DAB1: variants seen among roughly 807,000 people sequenced by gnomAD.
DAB1 encodes the protein disabled homolog 1.
In DAB1, 15 loss-of-function variants were observed where a neutral mutation model predicts 64.6. The ratio of observed to expected loss-of-function variants is 0.23; its 90% CI spans 0.16 to 0.36. The LOEUF (loss-of-function observed/expected upper bound fraction) is 0.36. DAB1 is among the 10% of genes least tolerant of loss of function. The pLI is 1.00. For synonymous variants in DAB1, 235 were observed against 251.9 expected (o/e 0.93, Z 0.64); for missense variants, 596 against 706.7 (o/e 0.84, Z 1.78).
chr1:57,773,201 GAGCCCC>G (rs1649638025), intron 6 of DAB1, among the ~76,000 whole-genome samples: 2 of 151,964 alleles, frequency 1.3e-5, no homozygotes, highest in Admixed American at 1.3e-4. Flanking sequence ...TTAGTTATAA[GAGCCCC>G]AGGAAATTAA....
intron 9 of DAB1, among the ~76,000 whole-genome samples, chr1:57,038,010 T>A (rs1647245496): frequency 2.0e-5 from 3 of 152,246 alleles, no homozygotes; most frequent in Admixed American, 2.0e-4. Flanking sequence ...TAAATTTTAT[T>A]ACATTTTCAT....
At chr1:57,015,469 G>A (rs1299671928) in intron 11 of DAB1, 38 bp from the exon 12 acceptor site, 1 of 1,553,978 alleles carries the variant, frequency 6.4e-7, no homozygotes, top group Non-Finnish European at 8.7e-7. Context: ...TGTTTCCCTG[G>A]TGTCCTGGGA....
intron 1 of DAB1, among the ~76,000 whole-genome samples, chr1:57,864,252 G>C (rs962633123): frequency 5.3e-5 from 8 of 152,244 alleles, no homozygotes; most frequent in South Asian, 2.1e-4. Context: ...TAGGGAATTG[G>C]GGGTAATGGT....
At chr1:58,138,057 A>T (rs1440042326) in intron 5 of DAB1, among the ~76,000 whole-genome samples, 1 of 152,220 alleles carries the variant, frequency 6.6e-6, no homozygotes, top group African/African-American at 2.4e-5. Context: ...ATTTAAAAAT[A>T]TAATGATGAA....
At chr1:57,836,891 G>A (rs1039432557) in intron 1 of DAB1, among the ~76,000 whole-genome samples, 1 of 151,974 alleles carries the variant, frequency 6.6e-6, no homozygotes, top group Non-Finnish European at 1.5e-5. Context: ...ACTTCATCAC[G>A]GCCCCCTAGA....
chr1:57,589,729 C>T (rs886555528), intron 7 of DAB1, among the ~76,000 whole-genome samples: 4 of 151,954 alleles, frequency 2.6e-5, no homozygotes, highest in African/African-American at 9.7e-5. Context: ...TGCACACCAG[C>T]CTCAGCAACA....
intron 1 of DAB1, among the ~76,000 whole-genome samples, chr1:57,847,431 T>C (rs765774018): frequency 1.3e-5 from 2 of 148,656 alleles, no homozygotes; most frequent in African/African-American, 2.6e-5. Context: ...ATATAAATGG[T>C]TTAAGTTCTT....
chr1:58,446,560 T>C lies in DAB1; in HGVS notation n.257+59500A>G, dbSNP rs117619353. Among the ~76,000 whole-genome samples, 331 of 152,274 alleles carry C rather than the reference T, an allele frequency of 2.2e-3. 12 individuals are homozygous for C. The East Asian group carries it at 0.056, about 26-fold the overall frequency. On this transcript the variant is annotated intron_variant and non_coding_transcript_variant, in intron 3 of 20. Coordinates refer to the DAB1 transcript ENST00000485760. Reference sequence around the variant, plus strand: ...GGGGGTGGGGTGGTGGACAAGTAAGTGCATGCTGTTCTCCAAGAACAGTAA... The same window carrying C: ...GGGGGTGGGGTGGTGGACAAGTAAGCGCATGCTGTTCTCCAAGAACAGTAA...
intron 1 of DAB1, chr1:58,536,798 A>T: frequency 4.9e-6 from 4 of 814,020 alleles, no homozygotes; most frequent in Non-Finnish European, 8.5e-6. Flanking sequence ...ATATCACTAA[A>T]GCTCAAATGC....
chr1:58,076,555 T>C (rs1214939220), intron 5 of DAB1, among the ~76,000 whole-genome samples: 1 of 152,238 alleles, frequency 6.6e-6, no homozygotes, highest in Non-Finnish European at 1.5e-5. Flanking sequence ...TAAAGGATTG[T>C]TGTCACTTAA....
chr1:57,079,325 A>C (rs969670405), intron 4 of DAB1, among the ~76,000 whole-genome samples: 2 of 152,064 alleles, frequency 1.3e-5, no homozygotes, highest in Non-Finnish European at 2.9e-5. Flanking sequence ...CTTATCCCCC[A>C]AAAACAAGTC....
chr1:57,047,838 C>T (rs1325412658), intron 9 of DAB1, among the ~76,000 whole-genome samples: 1 of 152,126 alleles, frequency 6.6e-6, no homozygotes, highest in Non-Finnish European at 1.5e-5. Flanking sequence ...GCCCTCCAGC[C>T]CCATGCTCTA....
intron 1 of DAB1, among the ~76,000 whole-genome samples, chr1:57,332,178 G>T (rs750378911): frequency 6.6e-6 from 1 of 152,080 alleles, no homozygotes; most frequent in East Asian, 1.9e-4. Context: ...TGGCCAGGTG[G>T]GTCTTGAACT....
rs200540661 is a variant in DAB1, at chr1:58,526,151, G to A, written n.107+1110C>T. Among the ~76,000 whole-genome samples the A allele has an allele frequency of 2.6e-5, 4 of 152,096 alleles. No homozygotes were observed. The East Asian group carries it at 5.8e-4, about 22-fold the overall frequency. ...CTTAACATATAGGGAAAATCTGACA[G>A]ACTGGAGTACATGAAAATTAGGAAA... On this transcript the variant is annotated intron_variant and non_coding_transcript_variant, in intron 2 of 20. Transcript: ENST00000485760.
intron 1 of DAB1, among the ~76,000 whole-genome samples, chr1:57,405,375 G>A (rs1296297085): frequency 2.0e-5 from 3 of 152,168 alleles, no homozygotes; most frequent in Admixed American, 1.3e-4. Flanking sequence ...TCCTTTACCG[G>A]AAATGGTCCA....
chr1:58,266,463 C>T (rs564351438), intron 4 of DAB1, among the ~76,000 whole-genome samples: 20 of 152,322 alleles, frequency 1.3e-4, no homozygotes, highest in Non-Finnish European at 2.6e-4. Flanking sequence ...GAGACTTTTA[C>T]CCAGGATCTG....
intron 4 of DAB1, among the ~76,000 whole-genome samples, chr1:58,321,791 C>T (rs1662690242): frequency 6.6e-6 from 1 of 152,264 alleles, no homozygotes; most frequent in East Asian, 1.9e-4. Flanking sequence ...CACTGCAGCT[C>T]TGCAAGGCCT....
At chr1:58,253,499 A>T (rs1405097531) in intron 4 of DAB1, among the ~76,000 whole-genome samples, 1 of 152,238 alleles carries the variant, frequency 6.6e-6, no homozygotes, top group African/African-American at 2.4e-5. Flanking sequence ...ACGGTCAGTT[A>T]TTGTGAGTCT....
At chr1:57,551,156 T>G (rs1411486789) in intron 7 of DAB1, among the ~76,000 whole-genome samples, 1 of 152,178 alleles carries the variant, frequency 6.6e-6, no homozygotes, top group African/African-American at 2.4e-5. Flanking sequence ...CACGTTCGTC[T>G]TGCACGCCAC....
Sources: allele counts gnomAD v4.1 joint callset (sites outside exome capture counted in the v4.1 genomes callset), GRCh38; gene constraint gnomAD v4.1.1; transcripts MANE v1.5; gene names NCBI Gene and HGNC (gene_info 2026-07-23, HGNC 2026-07-21).